FBXO36: variants seen among roughly 807,000 people sequenced by gnomAD.
FBXO36 encodes the protein F-box only protein 36.
In FBXO36, 18 loss-of-function variants were observed where a neutral mutation model predicts 17.0. The observed-to-expected ratio is 1.06, with a 90% confidence interval of 0.73 to 1.57. FBXO36 has a LOEUF of 1.57. FBXO36 is among the 40% of genes most tolerant of loss of function. The pLI is 0.00. For synonymous variants in FBXO36, 83 were observed against 85.3 expected, an observed-to-expected ratio of 0.97 and a Z score of 0.15; for missense variants, 229 against 221.9, an observed-to-expected ratio of 1.03 and a Z score of -0.20.
At chr2:229,985,055 T>C (rs2077261316) in intron 2 of FBXO36, among the ~76,000 whole-genome samples, 1 of 152,228 alleles carries the variant, frequency 6.6e-6, no homozygotes, top group Non-Finnish European at 1.5e-5. Context: ...ATGGTCTTTC[T>C]GTGAACTGGC....
chr2:229,934,754 A>C (rs1437185132), intron 1 of FBXO36, among the ~76,000 whole-genome samples: 3 of 152,192 alleles, frequency 2.0e-5, no homozygotes, highest in African/African-American at 7.2e-5. Context: ...TCCTGAGTTC[A>C]AATGATTCTC....
At chr2:230,004,332 G>C (rs568440050) in intron 3 of FBXO36, among the ~76,000 whole-genome samples, 1 of 152,238 alleles carries the variant, frequency 6.6e-6, no homozygotes, top group South Asian at 2.1e-4. Flanking sequence ...GTCTAGCCCA[G>C]AGTTACCTCC....
intron 3 of FBXO36, among the ~76,000 whole-genome samples, chr2:230,008,015 C>T (rs1312429296): frequency 6.6e-6 from 1 of 152,170 alleles, no homozygotes; most frequent in Non-Finnish European, 1.5e-5. Context: ...AGGCATGAGC[C>T]ACTGTGCTCA....
chr2:229,976,374 C>A, intron 2 of FBXO36, 25 bp downstream of exon 2: 8 of 1,483,464 alleles, frequency 5.4e-6, no homozygotes, highest in Non-Finnish European at 7.5e-6. Flanking sequence ...ATATTATATA[C>A]CCCTGTTAAG....
intron 1 of FBXO36, among the ~76,000 whole-genome samples, chr2:229,974,410 C>A (rs1188240261): frequency 6.6e-6 from 1 of 152,198 alleles, no homozygotes. Context: ...TGGAGAGCGT[C>A]CCTCCAGTGG....
At chr2:229,970,081 C>G (rs2077173337) in intron 1 of FBXO36, among the ~76,000 whole-genome samples, 1 of 152,146 alleles carries the variant, frequency 6.6e-6, no homozygotes, top group African/African-American at 2.4e-5. Context: ...TGCCCATTAC[C>G]ATTTTAAGTG....
chr2:229,944,138 C>CT (rs2077014308), intron 1 of FBXO36, among the ~76,000 whole-genome samples: 1 of 152,288 alleles, frequency 6.6e-6, no homozygotes, highest in East Asian at 1.9e-4. Flanking sequence ...GTTAAAGCCT[C>CT]TTTTCTTTAT....
At chr2:229,949,612 G>C (rs2077046247) in intron 1 of FBXO36, among the ~76,000 whole-genome samples, 1 of 151,774 alleles carries the variant, frequency 6.6e-6, no homozygotes, top group Non-Finnish European at 1.5e-5. Context: ...CTTGGTAGAT[G>C]TCTATAAGTA....
At chr2:229,967,773 G>T (rs533702880) in intron 1 of FBXO36, among the ~76,000 whole-genome samples, 27 of 152,264 alleles carry the variant, frequency 1.8e-4, no homozygotes, top group African/African-American at 6.5e-4. Context: ...GCTAGATTCG[G>T]TTTGCCAGTA....
In FBXO36 at chr2:229,974,945, C is replaced by T. The variant is rs186991522; in HGVS notation, c.97-1296C>T. ...CCATCTTTCTCCTCCTAGCCTTCAT[C>T]GAAATGCAGACATAATTTGGTCTGT... On this transcript the variant is annotated intron_variant, in intron 1 of 3. Transcript: ENST00000283946. 3.3e-3 allele frequency among the ~76,000 whole-genome samples: 508 copies of T among 152,236 alleles called. 3 individuals carry two copies. The highest frequency in any genetic ancestry group is 5.1e-3 in the Non-Finnish European group (348 of 68,028).
chr2:229,987,527 T>C (rs1307259977), intron 2 of FBXO36, among the ~76,000 whole-genome samples: 2 of 152,210 alleles, frequency 1.3e-5, no homozygotes, highest in Non-Finnish European at 2.9e-5. Context: ...GTGATTTCTG[T>C]TCTTACCCTT....
chr2:229,999,856 C>T (rs1312999592), intron 3 of FBXO36, among the ~76,000 whole-genome samples: 2 of 152,006 alleles, frequency 1.3e-5, no homozygotes, highest in Non-Finnish European at 2.9e-5. Flanking sequence ...CCTCCTCTTC[C>T]TCCCACCCTC....
intron 3 of FBXO36, among the ~76,000 whole-genome samples, chr2:230,002,584 A>G (rs1480590110): frequency 6.6e-6 from 1 of 152,080 alleles, no homozygotes; most frequent in Non-Finnish European, 1.5e-5. Flanking sequence ...GGGTTTTGCC[A>G]TCTTGCGCTG....
intron 1 of FBXO36, among the ~76,000 whole-genome samples, chr2:229,967,104 G>T (rs936118053): frequency 1.3e-5 from 2 of 152,144 alleles, no homozygotes; most frequent in African/African-American, 4.8e-5. Context: ...TCCCTTGTAA[G>T]TTGGATTCCT....
chr2:229,974,959 A>C (rs1446944498), intron 1 of FBXO36, among the ~76,000 whole-genome samples: 4 of 152,168 alleles, frequency 2.6e-5, no homozygotes, highest in Non-Finnish European at 5.9e-5. Flanking sequence ...ATGCAGACAT[A>C]ATTTGGTCTG....
chr2:229,959,070 A>G (rs1293600392), intron 1 of FBXO36, among the ~76,000 whole-genome samples: 2 of 152,192 alleles, frequency 1.3e-5, no homozygotes, highest in African/African-American at 2.4e-5. Context: ...ACACAGTGAC[A>G]TTCCATTCAC....
intron 2 of FBXO36, among the ~76,000 whole-genome samples, chr2:229,987,109 A>G (rs1239253452): frequency 1.3e-5 from 2 of 151,424 alleles, no homozygotes; most frequent in Non-Finnish European, 2.9e-5. Context: ...AATCCCAGCT[A>G]CTTGGGAGGC....
chr2:229,934,525 G>A (rs1308427653), intron 1 of FBXO36, among the ~76,000 whole-genome samples: 2 of 152,218 alleles, frequency 1.3e-5, no homozygotes, highest in Non-Finnish European at 1.5e-5. Context: ...TTTAGGGGCT[G>A]TGACTGGAAT....
chr2:229,939,753 C>A (rs528528764), intron 1 of FBXO36, among the ~76,000 whole-genome samples: 2 of 152,302 alleles, frequency 1.3e-5, no homozygotes, highest in Admixed American at 1.3e-4. Flanking sequence ...ATGGCGGCCA[C>A]CTTAGCCTTT....
Sources: allele counts gnomAD v4.1 joint callset (sites outside exome capture counted in the v4.1 genomes callset), GRCh38; gene constraint gnomAD v4.1.1; transcripts MANE v1.5; gene names NCBI Gene and HGNC (gene_info 2026-07-23, HGNC 2026-07-21).